EPHA5: variants seen among roughly 807,000 people sequenced by gnomAD.
EPHA5 encodes EPH receptor A5, also known as ephrin type-A receptor 5.
EPHA5 carries 60 observed loss-of-function variants against 105.0 expected under a neutral mutation model. The observed-to-expected ratio is 0.57, with a 90% CI of 0.46 to 0.71. EPHA5 has a LOEUF of 0.71. Among genes scored for constraint, EPHA5 ranks in the 30% least tolerant of loss-of-function variants. EPHA5 has a pLI of 0.00. For missense variants in EPHA5, 1,218 were observed against 1,274.7 expected (o/e 0.96, Z 0.68); for synonymous variants, 513 against 449.1 (o/e 1.14, Z -1.80).
intron 5 of EPHA5, among the ~76,000 whole-genome samples, chr4:65,467,961 C>T (rs776733583): frequency 3.5e-4 from 53 of 152,074 alleles, no homozygotes; most frequent in Non-Finnish European, 6.5e-4. Context: ...TCCTCTAGAA[C>T]CTAGAAAGGA....
chr4:65,504,670 C>G (rs1022928110), intron 3 of EPHA5, among the ~76,000 whole-genome samples: 1 of 151,830 alleles, frequency 6.6e-6, no homozygotes, highest in African/African-American at 2.4e-5. Context: ...TCATTTTGGC[C>G]TAGAATGAAC....
At chr4:65,355,589 C>T (rs1012757460) in intron 11 of EPHA5, among the ~76,000 whole-genome samples, 7 of 151,578 alleles carry the variant, frequency 4.6e-5, no homozygotes, top group Admixed American at 4.0e-4. Flanking sequence ...GAATACAAAA[C>T]TAATATACCT....
In EPHA5 at chr4:65,338,143, A is replaced by G. The variant is rs1339312665; in HGVS notation, c.2596-2018T>C. Among the ~76,000 whole-genome samples, 3 of 152,114 alleles carry G rather than the reference A, an allele frequency of 2.0e-5. No homozygotes were observed. In the East Asian group the frequency reaches 5.8e-4, roughly 29 times the overall value. On this transcript the variant is annotated intron_variant, in intron 14 of 16. Transcript: ENST00000613740. ...AAGAAAGAAATAACAATGCTAAACA[A>G]GCCTTGAAAAAATATTTATTCTCAC...
chr4:65,530,488 T>C (rs529111012), intron 3 of EPHA5, among the ~76,000 whole-genome samples: 1 of 152,200 alleles, frequency 6.6e-6, no homozygotes, highest in East Asian at 1.9e-4. Context: ...AAAGGAATAA[T>C]ATGGTCAACA....
At chr4:65,534,552 T>C (rs1324049503) in intron 3 of EPHA5, among the ~76,000 whole-genome samples, 2 of 152,218 alleles carry the variant, frequency 1.3e-5, no homozygotes, top group Admixed American at 6.5e-5. Flanking sequence ...CACTTTCAAA[T>C]CATTCACACA....
At chr4:65,447,655 CACAG>C (rs1457780340) in intron 5 of EPHA5, among the ~76,000 whole-genome samples, 3 of 151,936 alleles carry the variant, frequency 2.0e-5, no homozygotes, top group Non-Finnish European at 4.4e-5. Context: ...TCCTTGCCAA[CACAG>C]ACAGCTTAAA....
At chr4:65,351,322 C>T in intron 13 of EPHA5, 67 bp downstream of exon 13, 2 of 1,405,362 alleles carry the variant, frequency 1.4e-6, no homozygotes, top group African/African-American at 1.4e-5. Context: ...TTAGCTATTT[C>T]TTTCAGAATC....
intron 3 of EPHA5, among the ~76,000 whole-genome samples, chr4:65,583,090 C>A (rs1261533148): frequency 6.6e-6 from 1 of 151,458 alleles, no homozygotes; most frequent in Non-Finnish European, 1.5e-5. Flanking sequence ...TCATTAAATT[C>A]ATTTAATAAT....
At chr4:65,518,071 A>G (rs1734280649) in intron 3 of EPHA5, among the ~76,000 whole-genome samples, 1 of 151,946 alleles carries the variant, frequency 6.6e-6, no homozygotes, top group South Asian at 2.1e-4. Flanking sequence ...AGACTAGAGA[A>G]CACAAAGGAC....
intron 2 of EPHA5, among the ~76,000 whole-genome samples, chr4:65,611,645 C>G (rs1744770207): frequency 6.6e-6 from 1 of 151,066 alleles, no homozygotes. Context: ...GTTCTTTTTT[C>G]AGTCCTCATT....
At chr4:65,383,220 TACACAC>T (rs142791536) in intron 8 of EPHA5, among the ~76,000 whole-genome samples, 19 of 144,604 alleles carry the variant, frequency 1.3e-4, no homozygotes, top group East Asian at 2.1e-4. Flanking sequence ...ATATATGATA[TACACAC>T]ACACACACAC....
chr4:65,349,346 G>GA (rs1553896981), intron 13 of EPHA5, among the ~76,000 whole-genome samples: 53 of 151,616 alleles, frequency 3.5e-4, no homozygotes, highest in Non-Finnish European at 5.3e-4. Context: ...AATTGATTTG[G>GA]AGACTTTCTC....
chr4:65,519,801 C>T (rs1198779952), intron 3 of EPHA5, among the ~76,000 whole-genome samples: 2 of 152,034 alleles, frequency 1.3e-5, no homozygotes, highest in Non-Finnish European at 1.5e-5. Flanking sequence ...AATAAAATCC[C>T]TAGGAATCCA....
chr4:65,661,296 C>T (rs1460285572), intron 1 of EPHA5, among the ~76,000 whole-genome samples: 3 of 151,990 alleles, frequency 2.0e-5, no homozygotes, highest in South Asian at 2.1e-4. Flanking sequence ...TCTGTCTGTA[C>T]TTCCACTGTG....
At chr4:65,327,209 T>G (rs1720167223) in intron 16 of EPHA5, among the ~76,000 whole-genome samples, 1 of 151,266 alleles carries the variant, frequency 6.6e-6, no homozygotes, top group Non-Finnish European at 1.5e-5. Flanking sequence ...TTGTTTGAGT[T>G]TATTGAAAAA....
At chr4:65,408,431 A>T (rs189952199) in intron 7 of EPHA5, among the ~76,000 whole-genome samples, 1 of 152,122 alleles carries the variant, frequency 6.6e-6, no homozygotes, top group Non-Finnish European at 1.5e-5. Context: ...TATTGAAGCA[A>T]TGTAACACAT....
intron 14 of EPHA5, among the ~76,000 whole-genome samples, chr4:65,346,084 CTTT>C (rs5858952): frequency 1.4e-5 from 2 of 145,422 alleles, no homozygotes; most frequent in Admixed American, 1.4e-4. Context: ...TTTTCTCTCT[CTTT>C]TTTTTTTTTC....
chr4:65,479,251 T>C (rs1730122788), intron 5 of EPHA5, among the ~76,000 whole-genome samples: 1 of 152,298 alleles, frequency 6.6e-6, no homozygotes, highest in Non-Finnish European at 1.5e-5. Context: ...ATTTCCACTT[T>C]ACATGTGAAA....
At chr4:65,622,522 C>T (rs1207759069) in intron 2 of EPHA5, among the ~76,000 whole-genome samples, 1 of 152,046 alleles carries the variant, frequency 6.6e-6, no homozygotes, top group Non-Finnish European at 1.5e-5. Context: ...ACAAAGTATT[C>T]ACTAATTCTT....
Sources: gnomAD v4.1 joint callset for allele counts (sites outside exome capture counted in the v4.1 genomes callset) on GRCh38, gnomAD v4.1.1 for gene constraint, MANE v1.5 for transcripts, NCBI Gene and HGNC (gene_info 2026-07-23, HGNC 2026-07-21) for gene names.